The following CYTH1 variants were observed in gnomAD, a reference collection of about 807,000 sequenced individuals.
CYTH1 encodes the protein cytohesin-1.
Under a neutral mutation model 61.8 loss-of-function variants are expected in CYTH1, and 18 were observed. The observed-to-expected ratio is 0.29, with a 90% CI of 0.20 to 0.43. The LOEUF is 0.43. Ranked by LOEUF, CYTH1 falls within the 20% of genes least tolerant of loss-of-function variation. CYTH1 has a pLI of 1.00. For synonymous variants in CYTH1, 174 were observed against 184.3 expected (o/e 0.94, Z 0.45); for missense variants, 336 against 510.5 (o/e 0.66, Z 3.29).
At chr17:78,711,010 C>T (rs1370675449) in intron 1 of CYTH1, among the ~76,000 whole-genome samples, 2 of 152,102 alleles carry the variant, frequency 1.3e-5, no homozygotes, top group Non-Finnish European at 2.9e-5. Context: ...TGCCTGTAAT[C>T]CCAGCACTTT....
chr17:78,711,229 T>G (rs1243440937), intron 1 of CYTH1, among the ~76,000 whole-genome samples: 1 of 150,758 alleles, frequency 6.6e-6, no homozygotes, highest in Non-Finnish European at 1.5e-5. Flanking sequence ...GCCATTGCCC[T>G]CCAGCCTGGG....
At chr17:78,761,580 C>T (rs9302883) in intron 1 of CYTH1, among the ~76,000 whole-genome samples, 152,136 of 152,154 alleles carry the variant, frequency 1, 76,059 homozygotes, top group Middle Eastern at 1. Flanking sequence ...CTACTAAAAA[C>T]ACAAAAAATC....
intron 1 of CYTH1, among the ~76,000 whole-genome samples, chr17:78,739,037 T>A (rs995119682): frequency 6.6e-6 from 1 of 152,248 alleles, no homozygotes; most frequent in African/African-American, 2.4e-5. Flanking sequence ...TCATTTGCAC[T>A]GACCTGATTA....
At chr17:78,747,253 C>G (rs1159981081) in intron 1 of CYTH1, among the ~76,000 whole-genome samples, 2 of 151,404 alleles carry the variant, frequency 1.3e-5, no homozygotes, top group African/African-American at 2.4e-5. Context: ...AGAAAAAGTC[C>G]CTGGGAGGGG....
chr17:78,773,227 T>C (rs1462983766), intron 1 of CYTH1, among the ~76,000 whole-genome samples: 3 of 152,046 alleles, frequency 2.0e-5, no homozygotes, highest in African/African-American at 4.8e-5. Context: ...CCTAGTACTT[T>C]AGGAAGCCAA....
At chr17:78,711,700 C>G (rs1265493361) in intron 1 of CYTH1, among the ~76,000 whole-genome samples, 1 of 150,058 alleles carries the variant, frequency 6.7e-6, no homozygotes, top group Non-Finnish European at 1.5e-5. Flanking sequence ...GAAAAGCCGA[C>G]TTTTCCTTTT....
chr17:78,726,850 G>A lies in CYTH1; in HGVS notation c.23-17118C>T, dbSNP rs370159022. ...CTTTGCGTAGTCTTCACTGCACCGC[G>A]GTCTGCACTCCTGTTCAGAAGCGGT... On this transcript the variant is annotated intron_variant, in intron 1 of 13. Coordinates refer to ENST00000446868, the MANE Select transcript of CYTH1 (RefSeq NM_004762.6). Among the ~76,000 whole-genome samples the A allele has an allele frequency of 1.4e-4, 21 of 152,266 alleles. 4 individuals carry two copies. Among genetic ancestry groups the A allele is most frequent in the African/African-American group, 2.2e-4 (9 of 41,558 alleles).
At chr17:78,741,396 G>GAA in intron 1 of CYTH1, among the ~76,000 whole-genome samples, 1 of 149,554 alleles carries the variant, frequency 6.7e-6, no homozygotes, top group Admixed American at 6.7e-5. Context: ...AATGACAGTA[G>GAA]AAAAAAAAAC....
chr17:78,697,917 C>T (rs191747757), intron 9 of CYTH1, among the ~76,000 whole-genome samples: 1 of 152,324 alleles, frequency 6.6e-6, no homozygotes, highest in African/African-American at 2.4e-5. Context: ...ATGTGGAGCA[C>T]AGACACATGT....
At chr17:78,758,414 C>G (rs2093410252) in intron 1 of CYTH1, among the ~76,000 whole-genome samples, 2 of 152,124 alleles carry the variant, frequency 1.3e-5, no homozygotes, top group African/African-American at 4.8e-5. Context: ...ATAAAAAGTG[C>G]TAAGCCCAGG....
At chr17:78,751,178 C>T (rs952063003) in intron 1 of CYTH1, among the ~76,000 whole-genome samples, 3 of 152,078 alleles carry the variant, frequency 2.0e-5, no homozygotes, top group South Asian at 4.1e-4. Context: ...AGGGTTTCGT[C>T]GTGTTGCCCA....
chr17:78,744,089 T>C (rs1159735035), intron 1 of CYTH1, among the ~76,000 whole-genome samples: 1 of 152,198 alleles, frequency 6.6e-6, no homozygotes, highest in East Asian at 1.9e-4. Flanking sequence ...TATACGGGCT[T>C]TTTCGGTGCT....
Position 78,770,665 on chromosome 17 carries a change from C to T in CYTH1, c.22+11537G>A, listed in dbSNP as rs567422099. Among the ~76,000 whole-genome samples the T allele has an allele frequency of 1.8e-4, 27 of 152,248 alleles. No individual in the cohort carries two copies. The South Asian group carries it at 5.6e-3, about 32-fold the overall frequency. On this transcript the variant is annotated intron_variant, in intron 1 of 13. Coordinates refer to ENST00000446868, the MANE Select transcript of CYTH1 (RefSeq NM_004762.6). Reference sequence around the variant, plus strand: ...ATCTCTTGACTTTGTGATCCGCCTGCCTCGGCCTGGGATTACAGGTGTGAG... The same window carrying T: ...ATCTCTTGACTTTGTGATCCGCCTGTCTCGGCCTGGGATTACAGGTGTGAG...
At position 78,674,923 on chromosome 17, in the gene CYTH1, A is replaced by ACC. The variant is rs1427620464; in HGVS notation, c.*1166_*1167dup. The ACC allele has an allele frequency of 6.5e-6, 1 of 153,128 alleles. No homozygotes were observed. Among genetic ancestry groups the ACC allele is most frequent in the Admixed American group, 6.5e-5 (1 of 15,268 alleles). The allele number at this position is 153,128 out of a possible 1,614,324, so 9.5% of individuals were successfully genotyped here. A position where few individuals can be genotyped will look rare whatever the true frequency, so the allele number is the denominator to read the frequency against. On this transcript the variant is annotated 3_prime_UTR_variant, in exon 14 of 14. Transcript: ENST00000446868. The stretch of plus-strand genomic sequence containing the variant: ...CAGAGATGCGAGAGGCAGCCCGGCC[A>ACC]CCCCCCTCACTCCAGTGCACCCCAC...
chr17:78,719,949 T>A (rs2093213937), intron 1 of CYTH1, among the ~76,000 whole-genome samples: 1 of 152,190 alleles, frequency 6.6e-6, no homozygotes, highest in South Asian at 2.1e-4. Flanking sequence ...GAAATTCTGA[T>A]GTATGCTACA....
intron 3 of CYTH1, among the ~76,000 whole-genome samples, chr17:78,705,916 CA>C (rs1300290433): frequency 2.0e-5 from 3 of 152,044 alleles, no homozygotes; most frequent in African/African-American, 7.2e-5. Flanking sequence ...GAGAATTAAT[CA>C]AGAGAAAAAC....
At chr17:78,719,334 C>T (rs2093208826) in intron 1 of CYTH1, among the ~76,000 whole-genome samples, 1 of 151,892 alleles carries the variant, frequency 6.6e-6, no homozygotes, top group Non-Finnish European at 1.5e-5. Flanking sequence ...TACAAATGAC[C>T]CACAATAATA....
At chr17:78,727,791 G>A (rs1217251243) in intron 1 of CYTH1, 3 of 461,334 alleles carry the variant, frequency 6.5e-6, no homozygotes, top group African/African-American at 6.0e-5. Context: ...GGCTGCTCTT[G>A]GACCGTCCCC....
rs374212301 is a variant in CYTH1, at chr17:78,773,905, CTAAGT to C, written c.22+8292_22+8296del. 1.4e-3 allele frequency among the ~76,000 whole-genome samples: 217 copies of C among 152,136 alleles called. 1 individual carries two copies. The highest frequency in any genetic ancestry group is 2.3e-3 in the Non-Finnish European group (157 of 67,984). ...CTTTATTTGATAGAAAAGAGTTAACCTAAGTTAAGTAAATAAACCATCATTTCTTA... is the reference window on the plus strand; with the variant it reads ...CTTTATTTGATAGAAAAGAGTTAACCTAAGTAAATAAACCATCATTTCTTA... On this transcript the variant is annotated intron_variant, in intron 1 of 13. Coordinates refer to ENST00000446868, the MANE Select transcript of CYTH1 (RefSeq NM_004762.6).
Sources: gnomAD v4.1 joint callset for allele counts (sites outside exome capture counted in the v4.1 genomes callset) on GRCh38, gnomAD v4.1.1 for gene constraint, MANE v1.5 for transcripts, NCBI Gene and HGNC (gene_info 2026-07-23, HGNC 2026-07-21) for gene names.